Variants in UGDH observed in about 807,000 individuals in gnomAD.
UGDH encodes UDP-Glc dehydrogenase.
Under a neutral mutation model 50.6 loss-of-function variants are expected in UGDH, and 38 were observed. The observed-to-expected ratio is 0.75, with a 90% CI of 0.58 to 0.98. The LOEUF (loss-of-function observed/expected upper bound fraction) is 0.98. Ranked by LOEUF, UGDH falls within the 50% of genes least tolerant of loss-of-function variation. UGDH has a pLI of 0.00. For synonymous variants in UGDH, 168 were observed against 199.9 expected (o/e 0.84, Z 1.35); for missense variants, 465 against 606.2 (o/e 0.77, Z 2.45).
At chr4:39,513,912 G>A (rs1267011873) in intron 3 of UGDH, among the ~76,000 whole-genome samples, 171 bp downstream of exon 3, 1 of 152,182 alleles carries the variant, frequency 6.6e-6, no homozygotes, top group Non-Finnish European at 1.5e-5. Context: ...TTGACTAGAT[G>A]ATTACGGGGT....
intron 3 of UGDH, 27 bp from the exon 4 acceptor site, chr4:39,510,888 C>A: frequency 1.2e-6 from 2 of 1,612,278 alleles, no homozygotes; most frequent in East Asian, 2.2e-5. Context: ...GGATAAAGAA[C>A]AGAGTGCCTG....
chr4:39,527,037 G>T, intron 1 of UGDH: 1 of 1,289,376 alleles, frequency 7.8e-7, no homozygotes, highest in South Asian at 1.2e-5. Flanking sequence ...GAAAGAGAAG[G>T]GGCTGGAAGA....
chr4:39,527,182 CG>C, intron 1 of UGDH, 100 bp downstream of exon 1: 1 of 1,229,740 alleles, frequency 8.1e-7, no homozygotes, highest in Non-Finnish European at 1.1e-6. Flanking sequence ...AGCGAGCGAC[CG>C]GGAGCAGCGC....
chr4:39,511,812 C>A (rs1447107730), intron 3 of UGDH, among the ~76,000 whole-genome samples: 1 of 150,332 alleles, frequency 6.7e-6, no homozygotes, highest in Non-Finnish European at 1.5e-5. Context: ...TGGGTTCAAG[C>A]GATTCTCCTG....
In UGDH at chr4:39,505,701, G is replaced by A. The variant is rs1282014440; in HGVS notation, c.954C>T (p.Ile318=). Residue 318 remains isoleucine (I), a synonymous_variant, in exon 8 of 12, where the codon ATC becomes ATT. Coordinates refer to ENST00000316423, the MANE Select transcript of UGDH (RefSeq NM_003359.4). ...DYQRRRFASR[I]IDSLFNTVTD... ...TTACTGTATTAAACAGACTATCTAT[G>A]ATCCGGGAAGCAAACCTCCTCCTCT... 1 of 1,610,310 alleles carries A rather than the reference G, an allele frequency of 6.2e-7. No individual in the cohort carries two copies. The highest frequency in any genetic ancestry group is 8.5e-7 in the Non-Finnish European group (1 of 1,177,950).
chr4:39,509,817 C>G lies in UGDH; in HGVS notation c.754G>C (p.Ala252Pro). 1 of 1,613,430 alleles carries G rather than the reference C, an allele frequency of 6.2e-7. No individual in the cohort carries two copies. Among genetic ancestry groups the G allele is most frequent in the Non-Finnish European group, 8.5e-7 (1 of 1,179,918 alleles). ...CTCTGGTCCATTCCAATCGCTGTTG[C>G]TACCTCTTCTACATCAGCTCCTGTT... The part of the protein sequence containing the change: ...EATGADVEEV[A>P]TAIGMDQRIG... The change falls in exon 6 of 12, where the codon GCA becomes CCA. Residue 252 changes from alanine to proline, a missense_variant. Transcript: ENST00000316423.
At chr4:39,502,926 T>A (rs979941791) in intron 11 of UGDH, among the ~76,000 whole-genome samples, 1 of 152,006 alleles carries the variant, frequency 6.6e-6, no homozygotes, top group Non-Finnish European at 1.5e-5. Context: ...TTTATTATTT[T>A]TTTTTCCCAA....
intron 3 of UGDH, among the ~76,000 whole-genome samples, chr4:39,511,207 TC>T (rs1366305444): frequency 6.6e-6 from 1 of 152,058 alleles, no homozygotes; most frequent in East Asian, 1.9e-4. Context: ...CTTTTCTTAT[TC>T]CCTTTCTTTA....
At chr4:39,500,653 C>CTCTCTT (rs1553936499) in intron 11 of UGDH, among the ~76,000 whole-genome samples, 1 of 135,222 alleles carries the variant, frequency 7.4e-6, no homozygotes, top group Non-Finnish European at 1.6e-5. Flanking sequence ...GCATAATTCT[C>CTCTCTT]TTTTTTTTTT....
chr4:39,503,764 C>G (rs1745917286), intron 11 of UGDH, 111 bp downstream of exon 11: 6 of 889,912 alleles, frequency 6.7e-6, no homozygotes, highest in Non-Finnish European at 1.0e-5. Context: ...ATATTCTGAC[C>G]TGCTGTGATG....
chr4:39,513,531 CTTTTTTTTTTT>C (rs10707997), intron 3 of UGDH, among the ~76,000 whole-genome samples: 4 of 88,008 alleles, frequency 4.5e-5, no homozygotes, highest in Admixed American at 3.0e-4. Flanking sequence ...TTTCCTAGTT[CTTTTTTTTTTT>C]TTTTTTTTTT....
At chr4:39,515,055 C>T (rs947456671) in intron 2 of UGDH, among the ~76,000 whole-genome samples, 1 of 152,016 alleles carries the variant, frequency 6.6e-6, no homozygotes, top group Non-Finnish European at 1.5e-5. Context: ...CTCACTACAA[C>T]CTTGACCTCC....
intron 8 of UGDH, 52 bp downstream of exon 8, chr4:39,505,563 AGAT>A: frequency 6.8e-7 from 1 of 1,460,986 alleles, no homozygotes; most frequent in Non-Finnish European, 9.0e-7. Context: ...CAAAAAATTA[AGAT>A]GAGGAGTTAA....
In UGDH at chr4:39,500,255, T is replaced by C; in HGVS notation, c.1375-2A>G. The stretch of plus-strand genomic sequence containing the variant: ...CACCTTTTTGCCAATTGTTTCAATC[T>C]GAAAAAAAAATAAAATTTAAGAGAA... On this transcript the variant is annotated splice_acceptor_variant, in intron 11 of 11. Coordinates refer to ENST00000316423, the MANE Select transcript of UGDH (RefSeq NM_003359.4). LOFTEE classifies it high-confidence loss of function. 4 of 1,550,288 alleles carry C rather than the reference T, an allele frequency of 2.6e-6. No individual in the cohort carries two copies. The highest frequency in any genetic ancestry group is 3.5e-6 in the Non-Finnish European group (4 of 1,140,244).
At chr4:39,504,846 A>G (rs1225280686) in intron 9 of UGDH, among the ~76,000 whole-genome samples, 1 of 152,238 alleles carries the variant, frequency 6.6e-6, no homozygotes, top group Non-Finnish European at 1.5e-5. Flanking sequence ...AAGTGACCGC[A>G]GATAACTGAA....
chr4:39,503,027 C>G (rs1372944656), intron 11 of UGDH, among the ~76,000 whole-genome samples: 1 of 152,218 alleles, frequency 6.6e-6, no homozygotes, highest in Non-Finnish European at 1.5e-5. Flanking sequence ...AGCGATTCTC[C>G]TGCCTCAGCC....
intron 11 of UGDH, among the ~76,000 whole-genome samples, chr4:39,502,645 A>G (rs938592954): frequency 6.6e-6 from 1 of 152,170 alleles, no homozygotes; most frequent in African/African-American, 2.4e-5. Context: ...CTCCTTATTA[A>G]TACCTTTGGG....
intron 2 of UGDH, among the ~76,000 whole-genome samples, chr4:39,517,988 G>A (rs1439154964): frequency 6.6e-6 from 1 of 152,144 alleles, no homozygotes; most frequent in Non-Finnish European, 1.5e-5. Flanking sequence ...GAGTGCAGTG[G>A]TGCAAACTCG....
chr4:39,503,057 C>T (rs771158947), intron 11 of UGDH, among the ~76,000 whole-genome samples: 10 of 152,170 alleles, frequency 6.6e-5, no homozygotes, highest in Non-Finnish European at 1.2e-4. Context: ...GCTGGGATTA[C>T]AGGTGTGTGC....
Sources: allele counts gnomAD v4.1 joint callset (sites outside exome capture counted in the v4.1 genomes callset), GRCh38; gene constraint gnomAD v4.1.1; transcripts MANE v1.5; gene names NCBI Gene and HGNC (gene_info 2026-07-23, HGNC 2026-07-21).